Variants in VANGL1 observed in about 807,000 individuals in gnomAD.
VANGL1 encodes the protein vang-like protein 1.
VANGL1 carries 18 observed loss-of-function variants against 48.4 expected under a neutral mutation model. The observed-to-expected ratio is 0.37, with a 90% CI of 0.26 to 0.55. VANGL1 has a LOEUF of 0.55. Ranked by LOEUF, VANGL1 falls within the 20% of genes least tolerant of loss-of-function variation. The pLI, the probability that VANGL1 is intolerant of heterozygous loss-of-function variation, is 0.81. For missense variants in VANGL1, 667 were observed against 675.8 expected, an observed-to-expected ratio of 0.99 and a Z score of 0.14; for synonymous variants, 257 against 261.8, an observed-to-expected ratio of 0.98 and a Z score of 0.18.
At chr1:115,644,684 A>G (rs1316790066) in intron 1 of VANGL1, among the ~76,000 whole-genome samples, 1 of 152,196 alleles carries the variant, frequency 6.6e-6, no homozygotes, top group African/African-American at 2.4e-5. Context: ...TACTCATGAG[A>G]TCTATTTTTC....
chr1:115,668,368 G>T (rs1652866522), intron 4 of VANGL1, among the ~76,000 whole-genome samples: 1 of 152,194 alleles, frequency 6.6e-6, no homozygotes. Context: ...CAGAGAGAAT[G>T]TGCAGGATTG....
intron 4 of VANGL1, among the ~76,000 whole-genome samples, chr1:115,682,069 T>C (rs1488967893): frequency 6.6e-6 from 1 of 152,252 alleles, no homozygotes; most frequent in African/African-American, 2.4e-5. Context: ...CTTGTGTGCC[T>C]AAAGCTAAAT....
intron 4 of VANGL1, among the ~76,000 whole-genome samples, chr1:115,668,000 G>A (rs1652854585): frequency 6.6e-6 from 1 of 152,194 alleles, no homozygotes; most frequent in African/African-American, 2.4e-5. Flanking sequence ...TGGGAGCCAG[G>A]TACCTTCTGA....
chr1:115,691,257 T>C lies in VANGL1; in HGVS notation c.1453T>C (p.Cys485Arg). Residue 485 changes from cysteine (C) to arginine (R), a missense_variant, in exon 8 of 8, where the codon TGC (cysteine) becomes CGC (arginine). Coordinates refer to ENST00000355485, the MANE Select transcript of VANGL1 (RefSeq NM_138959.3). ...GGATGGAATTGTGTTCGTCCTTAAG[T>C]GCTTGGACTTCAGCCTCGTAGTCAA... ...LRDGIVFVLKCLDFSLVVNVK... is the reference protein window; with the variant it reads ...LRDGIVFVLKRLDFSLVVNVK... The C allele has an allele frequency of 6.2e-7, 1 of 1,614,214 alleles. No individual in the cohort carries two copies. The highest frequency in any genetic ancestry group is 2.2e-5 in the East Asian group (1 of 44,878).
chr1:115,668,844 A>T (rs891436920), intron 4 of VANGL1, among the ~76,000 whole-genome samples: 1 of 152,238 alleles, frequency 6.6e-6, no homozygotes, highest in Non-Finnish European at 1.5e-5. Flanking sequence ...GCACAAAAGC[A>T]GAAGCTCCCA....
rs1386404122 is a variant in VANGL1, at chr1:115,694,035, G to C, written c.*2656G>C. 1 of 152,176 alleles carries C rather than the reference G, an allele frequency of 6.6e-6. No homozygotes were observed. Among genetic ancestry groups the C allele is most frequent in the Non-Finnish European group, 1.5e-5 (1 of 68,022 alleles). 9.4% of individuals were successfully genotyped at this position (152,176 alleles called of 1,614,324 possible). A position where few individuals can be genotyped will look rare whatever the true frequency, so the allele number is the denominator to read the frequency against. On this transcript the variant is annotated 3_prime_UTR_variant, in exon 8 of 8. Coordinates refer to ENST00000355485, the MANE Select transcript of VANGL1 (RefSeq NM_138959.3). Reference sequence around the variant, plus strand: ...ATCTGAGATTGCTCTCTTCCCTGGTGATGTTTTAACTGGTAGATAATTTGT... The same window carrying C: ...ATCTGAGATTGCTCTCTTCCCTGGTCATGTTTTAACTGGTAGATAATTTGT...
chr1:115,654,013 G>C (rs1570740472), intron 2 of VANGL1, among the ~76,000 whole-genome samples: 1 of 152,266 alleles, frequency 6.6e-6, no homozygotes, highest in South Asian at 2.1e-4. Context: ...ACGGGCTGTG[G>C]TGTACTTTGC....
intron 4 of VANGL1, among the ~76,000 whole-genome samples, chr1:115,666,003 C>T (rs1270305576): frequency 2.6e-5 from 4 of 152,128 alleles, no homozygotes; most frequent in African/African-American, 9.7e-5. Flanking sequence ...CACAGGAGGA[C>T]AGAGAATTTC....
chr1:115,669,854 C>G (rs1652911629), intron 4 of VANGL1, among the ~76,000 whole-genome samples: 1 of 152,124 alleles, frequency 6.6e-6, no homozygotes, highest in South Asian at 2.1e-4. Flanking sequence ...AAGAAATGAT[C>G]CTTGGATTGC....
In VANGL1 at chr1:115,685,314, G is replaced by A; in HGVS notation, c.1101G>A (p.Glu367=). 1 of 1,614,128 alleles carries A rather than the reference G, an allele frequency of 6.2e-7. No homozygotes were observed. Among genetic ancestry groups the A allele is most frequent in the Non-Finnish European group, 8.5e-7 (1 of 1,180,016 alleles). The change falls in exon 7 of 8, where the codon GAG becomes GAA. Residue 367 remains glutamate (E), a synonymous_variant. Coordinates refer to ENST00000355485, the MANE Select transcript of VANGL1 (RefSeq NM_138959.3). ...RKARLVVAVE[E]AFIHIQRLQA... ...CTAGGCTGGTGGTTGCAGTGGAAGA[G>A]GCCTTCATCCACATTCAGCGTCTCC...
chr1:115,686,005 A>G (rs1653599154), intron 7 of VANGL1, among the ~76,000 whole-genome samples: 1 of 152,158 alleles, frequency 6.6e-6, no homozygotes, highest in Non-Finnish European at 1.5e-5. Flanking sequence ...TGCAACATAT[A>G]AACAGAGGTC....
At chr1:115,681,199 C>A (rs1442794544) in intron 4 of VANGL1, among the ~76,000 whole-genome samples, 1 of 152,156 alleles carries the variant, frequency 6.6e-6, no homozygotes, top group Non-Finnish European at 1.5e-5. Flanking sequence ...TGTATCATTG[C>A]AAGGTGTTCT....
chr1:115,661,453 C>T (rs1348406674), intron 3 of VANGL1, among the ~76,000 whole-genome samples: 2 of 135,254 alleles, frequency 1.5e-5, no homozygotes, highest in African/African-American at 5.3e-5. Context: ...CTCCTGCCCC[C>T]ACCCACCCGC....
At chr1:115,658,525 T>A (rs1005293977) in intron 2 of VANGL1, among the ~76,000 whole-genome samples, 1 of 152,230 alleles carries the variant, frequency 6.6e-6, no homozygotes, top group Admixed American at 6.5e-5. Context: ...ATTGAATAAC[T>A]TGTGCAAGAT....
intron 4 of VANGL1, among the ~76,000 whole-genome samples, chr1:115,667,499 C>T (rs1652836458): frequency 1.3e-5 from 2 of 152,164 alleles, no homozygotes; most frequent in Admixed American, 6.5e-5. Flanking sequence ...TCCTTGCTGC[C>T]CTGTCAGAGG....
In VANGL1 at chr1:115,686,391, T is replaced by A. The variant is rs555797184; in HGVS notation, c.1314+864T>A. ...CGTCCAAAAAAAAAAAAAAAAAAAA[T>A]GCCATCAGGCATTTTGGGTGTTACA... is the stretch of plus-strand genomic sequence containing the variant. On this transcript the variant is annotated intron_variant, in intron 7 of 7. Transcript: ENST00000355485. 9.0e-4 allele frequency among the ~76,000 whole-genome samples: 90 copies of A among 99,776 alleles called. No homozygotes were observed. In the South Asian group the frequency reaches 0.016, roughly 18 times the overall value. 65.5% of individuals were successfully genotyped at this position (99,776 alleles called of 152,430 possible). A position where few individuals can be genotyped will look rare whatever the true frequency, so the allele number is the denominator to read the frequency against.
chr1:115,685,539 C>T lies in VANGL1; in HGVS notation c.1314+12C>T, dbSNP rs372865274. 156 of 1,613,132 alleles carry T rather than the reference C, an allele frequency of 9.7e-5. No homozygotes were observed. The highest frequency in any genetic ancestry group is 5.2e-4 in the South Asian group (47 of 90,966). On this transcript the variant is annotated intron_variant, in intron 7 of 7. Transcript: ENST00000355485. ...GCATGACCCCCAAGGTGCGCTGCTC[C>T]GGGCGGGCTCTGCCACCGTCATCCT...
rs1652687818 is a variant in VANGL1, at chr1:115,664,211, T to G, written c.755T>G (p.Leu252Arg). ...AGGCAGCTGCAGCCCATGTTCACGC[T>G]GCAGGTGGTCCGCTCCACCGATGGC... is the stretch of plus-strand genomic sequence containing the variant. ...ELRQLQPMFT[L>R]QVVRSTDGES... Residue 252 changes from leucine (L) to arginine (R), a missense_variant, in exon 4 of 8, where the codon CTG becomes CGG. Transcript: ENST00000355485. 1 of 1,614,040 alleles carries G rather than the reference T, an allele frequency of 6.2e-7. No homozygotes were observed. Among genetic ancestry groups the G allele is most frequent in the Non-Finnish European group, 8.5e-7 (1 of 1,180,022 alleles).
rs560001503 is a variant in VANGL1, at chr1:115,685,398, G to C, written c.1185G>C (p.Gln395His). ...TGATGGACCCTAGGGAGGCCGCCCA[G>C]GCCATTTTCCCCTCCATGGCCAGGG... ...GEVMDPREAA[Q>H]AIFPSMARAL... Residue 395 changes from glutamine to histidine, a missense_variant, in exon 7 of 8, where the codon CAG (glutamine) becomes CAC (histidine). Physicochemically the swap from Gln to His is conservative, Grantham distance 24 (BLOSUM62 0). Transcript: ENST00000355485. The C allele has an allele frequency of 6.2e-7, 1 of 1,614,014 alleles. No individual in the cohort carries two copies.
Sources: gnomAD v4.1 joint callset for allele counts (sites outside exome capture counted in the v4.1 genomes callset) on GRCh38, gnomAD v4.1.1 for gene constraint, MANE v1.5 for transcripts, NCBI Gene and HGNC (gene_info 2026-07-23, HGNC 2026-07-21) for gene names.